The following ASXL3 variants were observed in gnomAD, a reference collection of about 807,000 sequenced individuals.
The protein encoded by ASXL3 is putative Polycomb group protein ASXL3.
ASXL3 carries 34 observed loss-of-function variants against 170.6 expected under a neutral mutation model. The observed-to-expected ratio is 0.20, with a 90% CI of 0.15 to 0.27. The LOEUF is 0.27. Among genes scored for constraint, ASXL3 ranks in the 10% least tolerant of loss-of-function variants. ASXL3 has a pLI of 1.00. For missense variants in ASXL3, 2,592 were observed against 2,695.3 expected (o/e 0.96, Z 0.85); for synonymous variants, 1,002 against 989.1 (o/e 1.01, Z -0.24).
chr18:33,674,378 G>A (rs2066392540), intron 7 of ASXL3, among the ~76,000 whole-genome samples: 1 of 152,204 alleles, frequency 6.6e-6, no homozygotes, highest in South Asian at 2.1e-4. Flanking sequence ...GAGGAAGAAG[G>A]TGAGATTTAA....
chr18:33,693,250 T>G (rs540491629), intron 8 of ASXL3, among the ~76,000 whole-genome samples: 1 of 152,276 alleles, frequency 6.6e-6, no homozygotes, highest in Non-Finnish European at 1.5e-5. Flanking sequence ...AAAAGATTGG[T>G]AAGTTTTTAA....
intron 8 of ASXL3, among the ~76,000 whole-genome samples, chr18:33,686,531 G>C (rs1416753310): frequency 6.6e-6 from 1 of 152,164 alleles, no homozygotes; most frequent in Non-Finnish European, 1.5e-5. Flanking sequence ...TAAAGGACTG[G>C]TAGGTGTTTC....
At position 33,739,006 on chromosome 18, in the gene ASXL3, C is replaced by G. The variant is rs376598388; in HGVS notation, c.1602C>G (p.Ile534Met). The G allele has an allele frequency of 1.9e-6, 3 of 1,613,610 alleles. No homozygotes were observed. The highest frequency in any genetic ancestry group is 2.2e-5 in the East Asian group (1 of 44,854). ...ESPQEEMTVV[I>M]DQLEVCDSLI... is the part of the protein sequence containing the mutation. ...CCCAGGAAGAAATGACAGTTGTTAT[C>G]GATCAGTTAGAAGTCTGTGACTCTC... is the stretch of plus-strand genomic sequence containing the variant. Residue 534 changes from isoleucine to methionine, a missense_variant, in exon 11 of 12, where the codon ATC becomes ATG. By Grantham distance (10) the Ile-to-Met change is conservative (BLOSUM62 1). This residue lies in a region of ASXL3 where 2,246 missense variants were observed against 2,219.6 expected (regional missense o/e 1.01). Transcript: ENST00000269197.
intron 4 of ASXL3, among the ~76,000 whole-genome samples, chr18:33,647,947 G>C (rs898088562): frequency 1.3e-5 from 2 of 152,050 alleles, no homozygotes; most frequent in Admixed American, 1.3e-4. Context: ...ACTCCAGGTA[G>C]AGGGAACAGC....
chr18:33,721,337 AT>A (rs2067255877), intron 8 of ASXL3, among the ~76,000 whole-genome samples: 1 of 152,040 alleles, frequency 6.6e-6, no homozygotes, highest in South Asian at 2.1e-4. Context: ...AAGTGGTTGG[AT>A]TGGCTAAAAA....
rs572253239 is a variant in ASXL3 at position 33,743,785 on chromosome 18, A to C, written c.3937A>C (p.Ser1313Arg). 1.2e-5 allele frequency: 20 copies of C among 1,613,906 alleles called. No homozygotes were observed. The highest frequency in any genetic ancestry group is 5.0e-5 in the Admixed American group (3 of 60,006). The change falls in exon 12 of 12, where the codon AGC (serine) becomes CGC (arginine). Residue 1313 changes from serine to arginine, a missense_variant. By Grantham distance (110) the Ser-to-Arg change is moderately radical (BLOSUM62 -1). This residue lies in a region of ASXL3 where 2,246 missense variants were observed against 2,219.6 expected (regional missense o/e 1.01). Coordinates refer to ENST00000269197, the MANE Select transcript of ASXL3 (RefSeq NM_030632.3). ...TPISATTEGS[S>R]ISSSMDDKQL... ...CATTTCAGCCACTACAGAGGGCTCC[A>C]GCATATCAAGCTCCATGGATGATAA...
At position 33,746,053 on chromosome 18, in the gene ASXL3, T is replaced by G. The variant is rs776137720; in HGVS notation, c.6205T>G (p.Trp2069Gly). Residue 2069 changes from tryptophan to glycine, a missense_variant, in exon 12 of 12, where the codon TGG becomes GGG. Transcript: ENST00000269197. ...CATGGAAACCACTAAGAGACTTAGT[T>G]GGCCACAGTCCACGGGCATATGTAG... is the stretch of plus-strand genomic sequence containing the variant. ...VTMETTKRLS[W>G]PQSTGICSNI... The G allele has an allele frequency of 2.5e-6, 4 of 1,613,138 alleles. No homozygotes were observed. The highest frequency in any genetic ancestry group is 3.4e-6 in the Non-Finnish European group (4 of 1,179,836).
intron 2 of ASXL3, chr18:33,626,790 A>T (rs2065610401): frequency 6.6e-6 from 1 of 152,252 alleles, no homozygotes; most frequent in Admixed American, 6.6e-5. Flanking sequence ...AGCAGCTGTA[A>T]ATAAATATGA....
Position 33,746,642 on chromosome 18 carries a change from A to G in ASXL3, c.*47A>G. 2.0e-6 allele frequency: 3 copies of G among 1,511,820 alleles called. No homozygotes were observed. The highest frequency in any genetic ancestry group is 2.6e-6 in the Non-Finnish European group (3 of 1,136,256). The allele number at this position is 1,511,820 out of a possible 1,614,324, so 93.7% of individuals were successfully genotyped here. A position where few individuals can be genotyped will look rare whatever the true frequency, so the allele number is the denominator to read the frequency against. The stretch of plus-strand genomic sequence containing the variant: ...ATCCCTTTTCCACACGGAAAAGCCA[A>G]ATAGCATCAGCAACAACAAATAGAA... On this transcript the variant is annotated 3_prime_UTR_variant, in exon 12 of 12. Coordinates refer to ENST00000269197, the MANE Select transcript of ASXL3 (RefSeq NM_030632.3).
chr18:33,599,456 T>C (rs942656379), intron 1 of ASXL3, among the ~76,000 whole-genome samples: 2 of 152,154 alleles, frequency 1.3e-5, no homozygotes, highest in South Asian at 2.1e-4. Flanking sequence ...GCCACAACAG[T>C]TTGTTTTCCA....
chr18:33,744,155 G>A lies in ASXL3; in HGVS notation c.4307G>A (p.Ser1436Asn). The change falls in exon 12 of 12, where the codon AGC becomes AAC. Residue 1436 changes from serine (S) to asparagine (N), a missense_variant. By Grantham distance (46) the Ser-to-Asn change is conservative (BLOSUM62 1). Transcript: ENST00000269197. Reference protein sequence around the residue: ...YDSPPKLSAESLDKNSGPRNR... With the variant: ...YDSPPKLSAENLDKNSGPRNR... ...AGTCCTCCCAAGTTAAGTGCTGAAA[G>A]CTTGGACAAAAATTCAGGGCCTCGA... The A allele has an allele frequency of 1.2e-6, 2 of 1,613,998 alleles. No individual in the cohort carries two copies. Among genetic ancestry groups the A allele is most frequent in the Non-Finnish European group, 8.5e-7 (1 of 1,179,896 alleles).
At position 33,745,244 on chromosome 18, in the gene ASXL3, C is replaced by T. The variant is rs374153290; in HGVS notation, c.5396C>T (p.Pro1799Leu). 29 of 1,613,876 alleles carry T rather than the reference C, an allele frequency of 1.8e-5. No individual in the cohort carries two copies. The highest frequency in any genetic ancestry group is 1.1e-4 in the South Asian group (10 of 91,086). ...GCACCAGAGAGAAACGTTGAAATTC[C>T]GCCCAGCTCTCCAAATCCAGATGGT... ...KTAPERNVEI[P>L]PSSPNPDGKG... Residue 1799 changes from proline (P) to leucine (L), a missense_variant, in exon 12 of 12, where the codon CCG (proline) becomes CTG (leucine). Coordinates refer to ENST00000269197, the MANE Select transcript of ASXL3 (RefSeq NM_030632.3).
Position 33,661,719 on chromosome 18 carries a change from C to T in ASXL3, c.459C>T (p.Thr153=), listed in dbSNP as rs761050325. Residue 153 remains threonine, a synonymous_variant, in exon 5 of 12, where the codon ACC becomes ACT. Transcript: ENST00000269197. ...TAGTGTCTTCCTTCCAGCAGCACAC[C>T]AAAAAGGCTCTTAAACAGGTAAGAT... The part of the protein sequence containing the change: ...SKLVSSFQQH[T]KKALKQALRQ... The T allele has an allele frequency of 3.1e-6, 5 of 1,612,194 alleles. No homozygotes were observed. The South Asian group carries it at 5.5e-5, about 18-fold the overall frequency.
intron 4 of ASXL3, among the ~76,000 whole-genome samples, chr18:33,647,411 A>G (rs1047525834): frequency 6.6e-6 from 1 of 151,976 alleles, no homozygotes; most frequent in Non-Finnish European, 1.5e-5. Flanking sequence ...TGCTTTATGG[A>G]TGTTTTACTT....
At chr18:33,711,996 A>G (rs2067073795) in intron 8 of ASXL3, among the ~76,000 whole-genome samples, 1 of 152,126 alleles carries the variant, frequency 6.6e-6, no homozygotes, top group African/African-American at 2.4e-5. Flanking sequence ...TACTCCTCCA[A>G]TTTCTGGTTT....
chr18:33,647,542 A>C (rs534713140), intron 4 of ASXL3, among the ~76,000 whole-genome samples: 9 of 152,100 alleles, frequency 5.9e-5, no homozygotes, highest in African/African-American at 1.9e-4. Flanking sequence ...GAATCACAGT[A>C]ATTTCTGGCT....
intron 9 of ASXL3, among the ~76,000 whole-genome samples, chr18:33,733,773 T>C (rs2067493371): frequency 1.3e-5 from 2 of 152,210 alleles, no homozygotes; most frequent in Non-Finnish European, 2.9e-5. Context: ...TATGGATTTG[T>C]ATCTCTGTGC....
At chr18:33,632,496 A>G (rs1033352056) in intron 2 of ASXL3, among the ~76,000 whole-genome samples, 1 of 152,162 alleles carries the variant, frequency 6.6e-6, no homozygotes, top group African/African-American at 2.4e-5. Context: ...TGAGTCCAGA[A>G]CTAAATTCAT....
chr18:33,671,521 T>C (rs2066341369), intron 6 of ASXL3, among the ~76,000 whole-genome samples: 1 of 152,230 alleles, frequency 6.6e-6, no homozygotes, highest in East Asian at 1.9e-4. Flanking sequence ...TCAATGAACG[T>C]AGTTTTGACT....
Sources: allele counts gnomAD v4.1 joint callset (sites outside exome capture counted in the v4.1 genomes callset), GRCh38; gene constraint gnomAD v4.1.1; regional missense constraint gnomAD v4.1.1; transcripts MANE v1.5; gene names NCBI Gene and HGNC (gene_info 2026-07-23, HGNC 2026-07-21).